Variants in CYP7B1 observed in about 807,000 individuals in gnomAD.
CYP7B1 encodes the protein cytochrome P450 family 7 subfamily B member 1, also known as cytochrome P450 7B1.
Under a neutral mutation model 42.7 loss-of-function variants are expected in CYP7B1, and 29 were observed. That is an observed-to-expected ratio of 0.68 (90% CI 0.51 to 0.93). The LOEUF is 0.93. Ranked by LOEUF, CYP7B1 falls within the 40% of genes least tolerant of loss-of-function variation. The pLI, the probability that CYP7B1 is intolerant of heterozygous loss-of-function variation, is 0.00. For synonymous variants in CYP7B1, 235 were observed against 218.2 expected, an observed-to-expected ratio of 1.08 and a Z score of -0.68; for missense variants, 655 against 600.5, an observed-to-expected ratio of 1.09 and a Z score of -0.95.
chr8:64,714,754 A>T (rs1193450083), intron 1 of CYP7B1, among the ~76,000 whole-genome samples: 3 of 151,852 alleles, frequency 2.0e-5, no homozygotes, highest in Admixed American at 6.6e-5. Flanking sequence ...CTCTCAGGAT[A>T]AATGACTGCA....
At chr8:64,683,773 A>G (rs1806577068) in intron 1 of CYP7B1, among the ~76,000 whole-genome samples, 1 of 152,060 alleles carries the variant, frequency 6.6e-6, no homozygotes, top group Admixed American at 6.5e-5. Context: ...TATTCTCCAG[A>G]TTGATGTTCT....
intron 1 of CYP7B1, among the ~76,000 whole-genome samples, chr8:64,643,182 CAT>C (rs139294788): frequency 0.5 from 69,756 of 139,092 alleles, 18,594 homozygotes; most frequent in Non-Finnish European, 0.58. Context: ...CATATATATA[CAT>C]ATATATATAC....
In CYP7B1 at chr8:64,775,850, T is replaced by TG. The variant is rs1353599138; in HGVS notation, c.122+22615dup. On this transcript the variant is annotated intron_variant, in intron 1 of 5. Transcript: ENST00000310193. ...TCACATAGCAGAAATGTATGTGATT[T>TG]GGGGGGGTGGTAAATGTGAGAATAG... Among the ~76,000 whole-genome samples the TG allele has an allele frequency of 3.3e-5, 5 of 152,066 alleles. No homozygotes were observed. In the East Asian group the frequency reaches 5.8e-4, roughly 18 times the overall value.
At chr8:64,671,263 G>C (rs1483396006) in intron 1 of CYP7B1, among the ~76,000 whole-genome samples, 1 of 152,090 alleles carries the variant, frequency 6.6e-6, no homozygotes, top group African/African-American at 2.4e-5. Flanking sequence ...TGGGGCAGTG[G>C]TGGGGGCAGA....
intron 1 of CYP7B1, among the ~76,000 whole-genome samples, chr8:64,645,585 G>A (rs1259290522): frequency 1.3e-5 from 2 of 152,154 alleles, no homozygotes; most frequent in South Asian, 2.1e-4. Flanking sequence ...ATGCTCGTGG[G>A]TAGGAAGAAT....
At chr8:64,778,276 T>C (rs1381735625) in intron 1 of CYP7B1, among the ~76,000 whole-genome samples, 1 of 151,008 alleles carries the variant, frequency 6.6e-6, no homozygotes, top group African/African-American at 2.4e-5. Context: ...TACACACATA[T>C]ACATGCATGT....
At chr8:64,705,178 C>A (rs944467261) in intron 1 of CYP7B1, among the ~76,000 whole-genome samples, 1 of 151,220 alleles carries the variant, frequency 6.6e-6, no homozygotes, top group Non-Finnish European at 1.5e-5. Flanking sequence ...TATGTTAGGG[C>A]GGTAAAAAGC....
chr8:64,588,573 G>A (rs1044006548), downstream of CYP7B1, among the ~76,000 whole-genome samples: 1 of 152,116 alleles, frequency 6.6e-6, no homozygotes, highest in African/African-American at 2.4e-5. Context: ...TCCTGCTCTG[G>A]CAATTACTGA....
At chr8:64,691,219 T>C (rs932480443) in intron 1 of CYP7B1, among the ~76,000 whole-genome samples, 2 of 152,186 alleles carry the variant, frequency 1.3e-5, no homozygotes, top group African/African-American at 4.8e-5. Flanking sequence ...AATTTTCTTA[T>C]TTATCAACAG....
chr8:64,723,629 T>C (rs1056839581), intron 1 of CYP7B1, among the ~76,000 whole-genome samples: 4 of 152,220 alleles, frequency 2.6e-5, no homozygotes, highest in Non-Finnish European at 5.9e-5. Flanking sequence ...AGTATAATCA[T>C]GTTCTAGAAA....
intron 1 of CYP7B1, among the ~76,000 whole-genome samples, chr8:64,762,748 T>C (rs892911521): frequency 6.6e-6 from 1 of 152,250 alleles, no homozygotes; most frequent in Non-Finnish European, 1.5e-5. Context: ...AACAGTTTTA[T>C]GGATTTATCT....
At chr8:64,636,158 C>T (rs1354149732) in intron 1 of CYP7B1, among the ~76,000 whole-genome samples, 1 of 152,150 alleles carries the variant, frequency 6.6e-6, no homozygotes, top group Non-Finnish European at 1.5e-5. Flanking sequence ...TAGCAGGGTT[C>T]TAGGGTTCTA....
At chr8:64,597,754 G>C (rs972687613) in intron 5 of CYP7B1, among the ~76,000 whole-genome samples, 52 of 152,330 alleles carry the variant, frequency 3.4e-4, no homozygotes, top group African/African-American at 1.2e-3. Flanking sequence ...AGAGGGGACT[G>C]AGTGACCTTA....
chr8:64,731,570 A>C (rs919480388), intron 1 of CYP7B1, among the ~76,000 whole-genome samples: 2 of 152,054 alleles, frequency 1.3e-5, no homozygotes, highest in African/African-American at 4.8e-5. Flanking sequence ...TAAAATAAAA[A>C]CTCATTTCTT....
chr8:64,782,404 G>A (rs1055212040), intron 1 of CYP7B1, among the ~76,000 whole-genome samples: 2 of 152,102 alleles, frequency 1.3e-5, no homozygotes, highest in Non-Finnish European at 2.9e-5. Flanking sequence ...CCACATGAGG[G>A]CACAGTGAAC....
chr8:64,767,846 A>G lies in CYP7B1; in HGVS notation c.122+30620T>C, dbSNP rs117394423. On this transcript the variant is annotated intron_variant, in intron 1 of 5. Coordinates refer to ENST00000310193, the MANE Select transcript of CYP7B1 (RefSeq NM_004820.5). ...ACCCTAGATGCAGTCCATGAGTAAGATCTACCGCAGACCCCTGGACCAGCC... is the reference window on the plus strand; with the variant it reads ...ACCCTAGATGCAGTCCATGAGTAAGGTCTACCGCAGACCCCTGGACCAGCC... 8.4e-3 allele frequency among the ~76,000 whole-genome samples: 1,275 copies of G among 152,250 alleles called. 9 individuals carry two copies. Among genetic ancestry groups the G allele is most frequent in the Middle Eastern group, 0.031 (9 of 294 alleles).
At chr8:64,796,916 C>T (rs373231692) in intron 1 of CYP7B1, among the ~76,000 whole-genome samples, 3 of 152,112 alleles carry the variant, frequency 2.0e-5, no homozygotes, top group Middle Eastern at 3.2e-3. Flanking sequence ...TTTCGTAGAG[C>T]ATTAGGGTAA....
chr8:64,738,952 T>C (rs143446411), intron 1 of CYP7B1, among the ~76,000 whole-genome samples: 2 of 152,324 alleles, frequency 1.3e-5, no homozygotes, highest in East Asian at 1.9e-4. Flanking sequence ...CCAACACTTT[T>C]ATGGGTTTTA....
intron 1 of CYP7B1, among the ~76,000 whole-genome samples, chr8:64,735,294 TCACAGA>T (rs1807470487): frequency 6.6e-6 from 1 of 152,196 alleles, no homozygotes; most frequent in Non-Finnish European, 1.5e-5. Context: ...TTTTGAGAAA[TCACAGA>T]CACAGGAGAG....
Sources: allele counts gnomAD v4.1 joint callset (sites outside exome capture counted in the v4.1 genomes callset), GRCh38; gene constraint gnomAD v4.1.1; transcripts MANE v1.5; gene names NCBI Gene and HGNC (gene_info 2026-07-23, HGNC 2026-07-21).